Variants in TTC38 observed in about 807,000 individuals in gnomAD.
TTC38 encodes tetratricopeptide repeat domain 38, also known as tetratricopeptide repeat protein 38.
In TTC38, 64 loss-of-function variants were observed where a neutral mutation model predicts 64.2. That is an observed-to-expected ratio of 1.00 (90% CI 0.81 to 1.23). The LOEUF is 1.23. Ranked by LOEUF, TTC38 falls within the 50% of genes most tolerant of loss-of-function variation. The pLI is 0.00. For synonymous variants in TTC38, 254 were observed against 249.3 expected, an observed-to-expected ratio of 1.02 and a Z score of -0.18; for missense variants, 573 against 615.5, an observed-to-expected ratio of 0.93 and a Z score of 0.73.
At chr22:46,286,031 A>AAAAAAAAGG (rs1273530304) in intron 9 of TTC38, among the ~76,000 whole-genome samples, 2 of 151,204 alleles carry the variant, frequency 1.3e-5, no homozygotes, top group African/African-American at 2.4e-5. Context: ...AAAAAAAAAA[A>AAAAAAAAGG]GTGTATAGCT....
Position 46,273,854 on chromosome 22 carries a change from G to A in TTC38, c.194-44G>A. On this transcript the variant is annotated intron_variant, in intron 3 of 13. Coordinates refer to ENST00000381031, the MANE Select transcript of TTC38 (RefSeq NM_017931.4). This position sits in a 1 kb window ranked among gnomAD's most constrained non-coding sequence, Gnocchi z 5.1. ...TGGAGTCTGGGCTGGGATGGGCTGA[G>A]CTGGACCATCTGAACCACCAGCCGT... is the stretch of plus-strand genomic sequence containing the variant. 3 of 1,607,550 alleles carry A rather than the reference G, an allele frequency of 1.9e-6. No homozygotes were observed. The highest frequency in any genetic ancestry group is 1.7e-6 in the Non-Finnish European group (2 of 1,175,578).
In TTC38 at chr22:46,289,523, C is replaced by T. The variant is rs376196512; in HGVS notation, c.1204C>T (p.Arg402Cys). The change falls in exon 12 of 14, where the codon CGC becomes TGC. Residue 402 changes from arginine (R) to cysteine (C), a missense_variant. By Grantham distance (180) the Arg-to-Cys change is radical. Around this residue, in one of 3 missense-constraint regions of TTC38, gnomAD observed 371 missense variants for 381.8 expected, o/e 0.97. Coordinates refer to ENST00000381031, the MANE Select transcript of TTC38 (RefSeq NM_017931.4). The stretch of plus-strand genomic sequence containing the variant: ...CGTCCTGGAGCTGCTCCTGCCCATC[C>T]GCTACCGGATCGTCCAGCTCGGTGG... ...DRVLELLLPI[R>C]YRIVQLGGSN... is the part of the protein sequence containing the mutation. The T allele has an allele frequency of 6.2e-5, 100 of 1,605,618 alleles. No individual in the cohort carries two copies. Among genetic ancestry groups the T allele is most frequent in the Middle Eastern group, 1.7e-4 (1 of 5,962 alleles).
chr22:46,278,601 C>G lies in TTC38; in HGVS notation c.555C>G (p.Ile185Met), dbSNP rs2077510486. The G allele has an allele frequency of 6.2e-7, 1 of 1,613,992 alleles. No individual in the cohort carries two copies. The highest frequency in any genetic ancestry group is 8.5e-7 in the Non-Finnish European group (1 of 1,179,972). ...DIPLSSYVKGIYSFGLMETNF... is the reference protein window; with the variant it reads ...DIPLSSYVKGMYSFGLMETNF... ...CTGTTTTTAGCTATGTGAAAGGCAT[C>G]TACTCTTTTGGCTTGATGGAAACCA... is the stretch of plus-strand genomic sequence containing the variant. The change falls in exon 6 of 14, where the codon ATC (isoleucine) becomes ATG (methionine). Residue 185 changes from isoleucine to methionine, a missense_variant. Ile to Met is a conservative substitution (Grantham distance 10). Coordinates refer to ENST00000381031, the MANE Select transcript of TTC38 (RefSeq NM_017931.4).
chr22:46,283,880 ATGATGG>A, intron 7 of TTC38, 87 bp from the exon 8 acceptor site: 6 of 411,346 alleles, frequency 1.5e-5, no homozygotes, highest in Admixed American at 3.2e-5. Context: ...AAAAAAAAAG[ATGATGG>A]TTTCTGCATT....
chr22:46,268,983 G>A (rs1369471919), intron 2 of TTC38: 4 of 344,368 alleles, frequency 1.2e-5, no homozygotes, highest in Non-Finnish European at 2.3e-5. Flanking sequence ...CACCGCGCCC[G>A]GCCATGGGGA....
Position 46,284,113 on chromosome 22 carries a change from A to G in TTC38, c.795+81A>G. On this transcript the variant is annotated intron_variant, in intron 8 of 13. Coordinates refer to ENST00000381031, the MANE Select transcript of TTC38 (RefSeq NM_017931.4). Reference sequence around the variant, plus strand: ...AAGATTTTTCTAGCTTTTGCTATGTATTCACATCCGTTGGAGCCCTGATGC... The same window carrying G: ...AAGATTTTTCTAGCTTTTGCTATGTGTTCACATCCGTTGGAGCCCTGATGC... The G allele has an allele frequency of 5.7e-6, 7 of 1,227,098 alleles. No individual in the cohort carries two copies. In the South Asian group the frequency reaches 7.7e-5, roughly 13 times the overall value. 76.0% of individuals were successfully genotyped at this position (1,227,098 alleles called of 1,614,324 possible). A position where few individuals can be genotyped will look rare whatever the true frequency, so the allele number is the denominator to read the frequency against.
rs1936979186 is a variant in TTC38, at chr22:46,275,134, T to TA, written c.366-107dup. 7.3e-6 allele frequency: 8 copies of TA among 1,091,392 alleles called. No homozygotes were observed. The highest frequency in any genetic ancestry group is 3.2e-4 in the Middle Eastern group (1 of 3,156). 67.6% of individuals were successfully genotyped at this position (1,091,392 alleles called of 1,614,324 possible). Reference sequence around the variant, plus strand: ...CCGCACCCAGTCAGAAACTGATTTTTAAAAAAACACATCCATGTAGACCAT... The same window carrying TA: ...CCGCACCCAGTCAGAAACTGATTTTTAAAAAAAACACATCCATGTAGACCAT... On this transcript the variant is annotated intron_variant, in intron 4 of 13. Coordinates refer to ENST00000381031, the MANE Select transcript of TTC38 (RefSeq NM_017931.4). This position sits in a 1 kb window ranked among gnomAD's most constrained non-coding sequence, Gnocchi z 4.5.
chr22:46,281,789 A>G lies in TTC38; in HGVS notation c.735+71A>G. 5 of 1,598,526 alleles carry G rather than the reference A, an allele frequency of 3.1e-6. No homozygotes were observed. On this transcript the variant is annotated intron_variant, in intron 7 of 13. Transcript: ENST00000381031. This position sits in a 1 kb window ranked among gnomAD's most constrained non-coding sequence, Gnocchi z 5.2. Reference sequence around the variant, plus strand: ...TCCCCTTGAGTCAGGCCAAGGCTTTATGGACAAGAGTTACAGGGCATGGCT... The same window carrying G: ...TCCCCTTGAGTCAGGCCAAGGCTTTGTGGACAAGAGTTACAGGGCATGGCT...
chr22:46,283,736 C>T (rs990559092), intron 7 of TTC38, among the ~76,000 whole-genome samples: 5 of 151,382 alleles, frequency 3.3e-5, no homozygotes, highest in Non-Finnish European at 5.9e-5. Context: ...CTTGTAATCC[C>T]AGCTACTCAG....
Position 46,288,540 on chromosome 22 carries a change from A to G in TTC38, c.1034A>G (p.Asp345Gly). Residue 345 changes from aspartate to glycine, a missense_variant, in exon 11 of 14, where the codon GAC becomes GGC. Physicochemically the swap from Asp to Gly is moderately conservative, Grantham distance 94. Around this residue, in one of 3 missense-constraint regions of TTC38, gnomAD observed 371 missense variants for 381.8 expected, o/e 0.97. Transcript: ENST00000381031. ...CTGATGGCATCCCTGGGTGCACACG[A>G]CCCCCAGACCACACAGGAGCTGCTG... ...HFLMASLGAHDPQTTQELLTT... is the reference protein window; with the variant it reads ...HFLMASLGAHGPQTTQELLTT... 6.2e-7 allele frequency: 1 copy of G among 1,612,598 alleles called. No individual in the cohort carries two copies. The highest frequency in any genetic ancestry group is 8.5e-7 in the Non-Finnish European group (1 of 1,179,590).
At position 46,292,268 on chromosome 22, in the gene TTC38, C is replaced by CA. The variant is rs1569029095; in HGVS notation, c.1317-520dup. 1 of 438,968 alleles carries CA rather than the reference C, an allele frequency of 2.3e-6. No homozygotes were observed. Among genetic ancestry groups the CA allele is most frequent in the South Asian group, 1.7e-5 (1 of 60,032 alleles). 27.2% of individuals were successfully genotyped at this position (438,968 alleles called of 1,614,324 possible). On this transcript the variant is annotated intron_variant, in intron 13 of 13. Coordinates refer to ENST00000381031, the MANE Select transcript of TTC38 (RefSeq NM_017931.4). The surrounding 1 kb of genome is among the most constrained non-coding windows in gnomAD (Gnocchi z 6.5). ...GTGTGATCACAGTTCACTGTAAACT[C>CA]AAACTCCTGGGCTCAAGGAATCTTC...
chr22:46,287,117 G>T lies in TTC38; in HGVS notation c.879G>T (p.Val293=). ...CCAACGATGCAATGCTGGACGTGGT[G>T]GACAGCTGCTCCATGCTCTACCGCC... The part of the protein sequence containing the change: ...LQANDAMLDV[V]DSCSMLYRLQ... The change falls in exon 10 of 14, where the codon GTG becomes GTT. Residue 293 remains valine (V), a synonymous_variant. Transcript: ENST00000381031. 1 of 1,606,040 alleles carries T rather than the reference G, an allele frequency of 6.2e-7. No homozygotes were observed. The highest frequency in any genetic ancestry group is 2.2e-5 in the East Asian group (1 of 44,780).
intron 12 of TTC38, 93 bp downstream of exon 12, chr22:46,289,654 C>A: frequency 1.3e-6 from 2 of 1,499,424 alleles, no homozygotes; most frequent in Non-Finnish European, 1.8e-6. Flanking sequence ...GGTGTTGGTG[C>A]CAACAATGTG....
Position 46,273,582 on chromosome 22 carries a change from T to G in TTC38, c.194-316T>G, listed in dbSNP as rs563856321. ...AGCCGTGTGCTGGCTGTGGCGGTAG[T>G]GTCAGCTGATGAGCCTGCAGGCAGC... On this transcript the variant is annotated intron_variant, in intron 3 of 13. Transcript: ENST00000381031. This position sits in a 1 kb window ranked among gnomAD's most constrained non-coding sequence, Gnocchi z 5.1. Among the ~76,000 whole-genome samples the G allele has an allele frequency of 6.6e-6, 1 of 152,218 alleles. No individual in the cohort carries two copies. Among genetic ancestry groups the G allele is most frequent in the Non-Finnish European group, 1.5e-5 (1 of 68,030 alleles).
Position 46,281,107 on chromosome 22 carries a change from A to G in TTC38, c.616-492A>G, listed in dbSNP as rs1234402779. 6.6e-6 allele frequency among the ~76,000 whole-genome samples: 1 copy of G among 152,236 alleles called. No individual in the cohort carries two copies. The highest frequency in any genetic ancestry group is 6.5e-5 in the Admixed American group (1 of 15,290). ...CACCCAGAAAGCCACGTGTCCTCAC[A>G]TATATGGTAGTGGGAAGAGGCAGTC... On this transcript the variant is annotated intron_variant, in intron 6 of 13. Coordinates refer to ENST00000381031, the MANE Select transcript of TTC38 (RefSeq NM_017931.4). The surrounding 1 kb of genome is among the most constrained non-coding windows in gnomAD (Gnocchi z 5.2).
intron 13 of TTC38, among the ~76,000 whole-genome samples, chr22:46,290,589 G>A (rs939096200): frequency 2.6e-4 from 38 of 148,544 alleles, no homozygotes; most frequent in Non-Finnish European, 3.5e-4. Flanking sequence ...GTGTTAGGAG[G>A]GTGGCGTGGC....
intron 11 of TTC38, among the ~76,000 whole-genome samples, 185 bp from the exon 12 acceptor site, chr22:46,289,217 C>T (rs1004854323): frequency 3.9e-5 from 6 of 152,114 alleles, no homozygotes; most frequent in Admixed American, 1.3e-4. Context: ...GAACTCCAAC[C>T]CAGCTCTGAG....
Position 46,281,503 on chromosome 22 carries a change from C to T in TTC38, c.616-96C>T. On this transcript the variant is annotated intron_variant, in intron 6 of 13. Transcript: ENST00000381031. The surrounding 1 kb of genome is among the most constrained non-coding windows in gnomAD (Gnocchi z 5.2). ...CCCACTTGCTCCACCCCGTTCAGCCCAGGCCCCTCTTGCCCCTTAGAGACC... is the reference window on the plus strand; with the variant it reads ...CCCACTTGCTCCACCCCGTTCAGCCTAGGCCCCTCTTGCCCCTTAGAGACC... 2.7e-6 allele frequency: 4 copies of T among 1,485,770 alleles called. No individual in the cohort carries two copies. The South Asian group carries it at 4.7e-5, about 18-fold the overall frequency. The allele number at this position is 1,485,770 out of a possible 1,614,324, so 92.0% of individuals were successfully genotyped here. A position where few individuals can be genotyped will look rare whatever the true frequency, so the allele number is the denominator to read the frequency against.
In TTC38 at chr22:46,271,197, A is replaced by C. The variant is rs1936887597; in HGVS notation, c.112-1138A>C. On this transcript the variant is annotated intron_variant, in intron 2 of 13. Coordinates refer to ENST00000381031, the MANE Select transcript of TTC38 (RefSeq NM_017931.4). This position sits in a 1 kb window ranked among gnomAD's most constrained non-coding sequence, Gnocchi z 5.5. Reference sequence around the variant, plus strand: ...AGGGCAGAAGAAGCCGATGTGGAGCAGGTCACCTGTCAGGAGGAACCTGCC... The same window carrying C: ...AGGGCAGAAGAAGCCGATGTGGAGCCGGTCACCTGTCAGGAGGAACCTGCC... Among the ~76,000 whole-genome samples the C allele has an allele frequency of 6.6e-6, 1 of 152,208 alleles. No homozygotes were observed. Among genetic ancestry groups the C allele is most frequent in the African/African-American group, 2.4e-5 (1 of 41,454 alleles).
Sources: allele counts gnomAD v4.1 joint callset (sites outside exome capture counted in the v4.1 genomes callset), GRCh38; gene constraint gnomAD v4.1.1; regional missense constraint gnomAD v4.1.1; non-coding constraint Gnocchi (gnomAD v3.1); transcripts MANE v1.5; gene names NCBI Gene and HGNC (gene_info 2026-07-23, HGNC 2026-07-21).